LCP1: variants seen among roughly 807,000 people sequenced by gnomAD.
LCP1 encodes plastin-2.
A neutral mutation model predicts 72.0 loss-of-function variants in LCP1; 23 were observed. The observed-to-expected ratio is 0.32, with a 90% CI of 0.23 to 0.45. The LOEUF is 0.45. Among genes scored for constraint, LCP1 ranks in the 20% least tolerant of loss-of-function variants. The pLI, the probability that LCP1 is intolerant of heterozygous loss-of-function variation, is 1.00. For missense variants in LCP1, 571 were observed against 748.3 expected (o/e 0.76, Z 2.76); for synonymous variants, 245 against 275.4 (o/e 0.89, Z 1.09).
At position 46,126,809 on chromosome 13, in the gene LCP1, G is replaced by A. The variant is rs2045601132; in HGVS notation, c.*782C>T. ...CCTTCCATTAAGGCTGAAGGCTCTA[G>A]AGGGCAGAGTATTCAAGATGTTAGA... On this transcript the variant is annotated 3_prime_UTR_variant, in exon 16 of 16. Coordinates refer to ENST00000323076, the MANE Select transcript of LCP1 (RefSeq NM_002298.5). 4.3e-6 allele frequency: 1 copy of A among 231,040 alleles called. No individual in the cohort carries two copies. Among genetic ancestry groups the A allele is most frequent in the African/African-American group, 2.2e-5 (1 of 45,256 alleles). The allele number at this position is 231,040 out of a possible 1,614,324, so 14.3% of individuals were successfully genotyped here.
intron 11 of LCP1, among the ~76,000 whole-genome samples, chr13:46,144,238 T>C (rs1014892491): frequency 2.6e-5 from 4 of 152,222 alleles, no homozygotes; most frequent in African/African-American, 9.7e-5. Context: ...ATGATTTATA[T>C]ATTGAGCACA....
At chr13:46,177,484 CA>C (rs1184272854) in intron 1 of LCP1, among the ~76,000 whole-genome samples, 3 of 151,880 alleles carry the variant, frequency 2.0e-5, no homozygotes, top group Non-Finnish European at 2.9e-5. Context: ...ACTAAAAATA[CA>C]AAAAATTAGC....
intron 13 of LCP1, 33 bp from the exon 14 acceptor site, chr13:46,134,283 A>AGTT: frequency 6.3e-7 from 1 of 1,593,430 alleles, no homozygotes; most frequent in African/African-American, 1.3e-5. Flanking sequence ...TCTGGAGAAC[A>AGTT]GTTGCTAAAG....
chr13:46,143,990 C>T (rs1234181348), intron 11 of LCP1, among the ~76,000 whole-genome samples: 2 of 151,874 alleles, frequency 1.3e-5, no homozygotes, highest in Non-Finnish European at 1.5e-5. Context: ...GGCGTGAACC[C>T]GGGAGGCAGA....
Position 46,163,596 on chromosome 13 carries a change from A to G in LCP1, c.-24-3910T>C, listed in dbSNP as rs537291501. On this transcript the variant is annotated intron_variant, in intron 1 of 15. Coordinates refer to ENST00000323076, the MANE Select transcript of LCP1 (RefSeq NM_002298.5). Reference sequence around the variant, plus strand: ...CCACTATTGTCCTGTGACCCTGCCAAATCCCCCTCTGCGAGAAACACCCAA... The same window carrying G: ...CCACTATTGTCCTGTGACCCTGCCAGATCCCCCTCTGCGAGAAACACCCAA... Among the ~76,000 whole-genome samples the G allele has an allele frequency of 4.8e-3, 729 of 151,512 alleles. 3 individuals are homozygous for G. The highest frequency in any genetic ancestry group is 0.017 in the African/African-American group (703 of 41,028).
In LCP1 at chr13:46,134,168, A is replaced by G. The variant is rs1266363614; in HGVS notation, c.1585T>C (p.Leu529=). The change falls in exon 14 of 16, where the codon TTG becomes CTG. Residue 529 remains leucine (L), a synonymous_variant. Transcript: ENST00000323076. ...GATGAACTTTTCTTTGCTTCCCTCAATGTTTCATTCACCCAGTTGACAATA... is the reference window on the plus strand; with the variant it reads ...GATGAACTTTTCTTTGCTTCCCTCAGTGTTTCATTCACCCAGTTGACAATA... ...DIIVNWVNET[L]REAKKSSSIS... 1.2e-6 allele frequency: 2 copies of G among 1,613,570 alleles called. No homozygotes were observed. The highest frequency in any genetic ancestry group is 8.5e-7 in the Non-Finnish European group (1 of 1,179,594).
At chr13:46,172,412 A>T (rs1375138549) in intron 1 of LCP1, among the ~76,000 whole-genome samples, 1 of 151,946 alleles carries the variant, frequency 6.6e-6, no homozygotes, top group Admixed American at 6.5e-5. Context: ...TGAACCCGGG[A>T]GGCAGAGGTT....
At chr13:46,179,970 TTCTCTC>T (rs143449455) in intron 1 of LCP1, among the ~76,000 whole-genome samples, 1 of 151,130 alleles carries the variant, frequency 6.6e-6, no homozygotes, top group African/African-American at 2.4e-5. Flanking sequence ...AAAGTTTTTC[TTCTCTC>T]TCTCTCTCTC....
intron 7 of LCP1, among the ~76,000 whole-genome samples, chr13:46,152,440 T>C (rs2045774529): frequency 6.6e-6 from 1 of 152,208 alleles, no homozygotes; most frequent in Non-Finnish European, 1.5e-5. Context: ...AGTTGCTTAC[T>C]TCGCAAAGTG....
Position 46,142,329 on chromosome 13 carries a change from T to C in LCP1, c.1465A>G (p.Thr489Ala). The change falls in exon 13 of 16, where the codon ACT becomes GCT. Residue 489 changes from threonine (T) to alanine (A), a missense_variant. Physicochemically the swap from Thr to Ala is moderately conservative, Grantham distance 58. Transcript: ENST00000323076. Reference protein sequence around the residue: ...GGQDLNEGNRTLTLALIWQLM... With the variant: ...GGQDLNEGNRALTLALIWQLM... ...TGCCAAATCAAGGCCAGTGTGAGAG[T>C]GCGGTTTCCTTCATTGAGATCTTGT... is the stretch of plus-strand genomic sequence containing the variant. The C allele has an allele frequency of 6.2e-7, 1 of 1,613,904 alleles. No homozygotes were observed. Among genetic ancestry groups the C allele is most frequent in the Non-Finnish European group, 8.5e-7 (1 of 1,179,890 alleles).
intron 8 of LCP1, 86 bp downstream of exon 8, chr13:46,150,850 G>T: frequency 7.0e-7 from 1 of 1,421,566 alleles, no homozygotes; most frequent in Non-Finnish European, 9.6e-7. Flanking sequence ...AAGAGAGGAA[G>T]CCCCAAATCT....
chr13:46,128,508 G>C (rs2045614450), intron 15 of LCP1, among the ~76,000 whole-genome samples: 1 of 152,086 alleles, frequency 6.6e-6, no homozygotes, highest in Non-Finnish European at 1.5e-5. Context: ...TGAGGCAGGA[G>C]AATCGCTTGA....
intron 4 of LCP1, among the ~76,000 whole-genome samples, chr13:46,157,245 T>C (rs1441008118): frequency 6.7e-6 from 1 of 149,826 alleles, no homozygotes; most frequent in South Asian, 2.2e-4. Context: ...TTTATTTATA[T>C]GTGCATGTAT....
chr13:46,134,359 T>G, intron 13 of LCP1, 109 bp from the exon 14 acceptor site: 2 of 874,074 alleles, frequency 2.3e-6, no homozygotes, highest in Non-Finnish European at 3.6e-6. Context: ...TAGAAGACAG[T>G]CTGGACACCA....
intron 14 of LCP1, among the ~76,000 whole-genome samples, chr13:46,133,914 G>C (rs1296870188): frequency 6.6e-6 from 1 of 152,078 alleles, no homozygotes; most frequent in Non-Finnish European, 1.5e-5. Flanking sequence ...TTACTGATGG[G>C]TTTTTATGAT....
At chr13:46,159,420 G>A (rs1275418813) in intron 2 of LCP1, 179 bp downstream of exon 2, 1 of 599,088 alleles carries the variant, frequency 1.7e-6, no homozygotes, top group Non-Finnish European at 3.0e-6. Flanking sequence ...TTTTGATAGA[G>A]AAAGTCATTT....
At chr13:46,157,741 CTTTTT>C (rs548259648) in intron 4 of LCP1, among the ~76,000 whole-genome samples, 4 of 99,788 alleles carry the variant, frequency 4.0e-5, no homozygotes, top group Non-Finnish European at 5.9e-5. Flanking sequence ...CATGACTTAT[CTTTTT>C]TTTTTTTTTT....
At chr13:46,142,166 C>T in intron 13 of LCP1, 126 bp downstream of exon 13, 2 of 947,376 alleles carry the variant, frequency 2.1e-6, no homozygotes, top group Non-Finnish European at 3.1e-6. Flanking sequence ...AAAAGTGTTT[C>T]TCTGGTTATG....
chr13:46,130,172 AC>A (rs2045625023), intron 15 of LCP1, among the ~76,000 whole-genome samples: 1 of 152,176 alleles, frequency 6.6e-6, no homozygotes, highest in South Asian at 2.1e-4. Context: ...TGAGAAAAGC[AC>A]CTGTCTGGAG....
Sources: gnomAD v4.1 joint callset for allele counts (sites outside exome capture counted in the v4.1 genomes callset) on GRCh38, gnomAD v4.1.1 for gene constraint, MANE v1.5 for transcripts, NCBI Gene and HGNC (gene_info 2026-07-23, HGNC 2026-07-21) for gene names.